The following RIMBP2 variants were observed in gnomAD, a reference collection of about 807,000 sequenced individuals.
RIMBP2 encodes the protein RIMS binding protein 2.
RIMBP2 carries 48 observed loss-of-function variants against 118.6 expected under a neutral mutation model. That is an observed-to-expected ratio of 0.40 (90% CI 0.32 to 0.51). The LOEUF (loss-of-function observed/expected upper bound fraction) is 0.51, where lower values mean the gene tolerates loss of function less well. Among genes scored for constraint, RIMBP2 ranks in the 20% least tolerant of loss-of-function variants. The pLI, the probability that RIMBP2 is intolerant of heterozygous loss-of-function variation, is 0.41. For synonymous variants in RIMBP2, 762 were observed against 742.9 expected (o/e 1.03, Z -0.42); for missense variants, 1,551 against 1,768.3 (o/e 0.88, Z 2.20).
chr12:130,450,893 C>A lies in RIMBP2; in HGVS notation c.504+302G>T, dbSNP rs971431387. Among the ~76,000 whole-genome samples the A allele has an allele frequency of 6.6e-6, 1 of 152,160 alleles. No individual in the cohort carries two copies. The highest frequency in any genetic ancestry group is 2.4e-5 in the African/African-American group (1 of 41,434). ...CACAGGCCCCTCCCGGCCAGCTCTG[C>A]GTCAACAGCCTTGCTGCGTCATCCT... On this transcript the variant is annotated intron_variant, in intron 8 of 22. Transcript: ENST00000690449. This position sits in a 1 kb window ranked among gnomAD's most constrained non-coding sequence, Gnocchi z 4.8.
Position 130,706,311 on chromosome 12 carries a change from C to T in RIMBP2, c.-352+9911G>A, listed in dbSNP as rs184138977. Among the ~76,000 whole-genome samples the T allele has an allele frequency of 1.8e-4, 28 of 152,320 alleles. No individual in the cohort carries two copies. The East Asian group carries it at 4.2e-3, about 23-fold the overall frequency. ...CCAGTGAATGCCTTCAATAACAATC[C>T]GTCGAGGAGAAGACGGATGCTATTG... On this transcript the variant is annotated intron_variant, in intron 1 of 22. Transcript: ENST00000690449.
intron 1 of RIMBP2, among the ~76,000 whole-genome samples, chr12:130,675,222 G>A (rs556040977): frequency 9.8e-5 from 15 of 152,330 alleles, no homozygotes; most frequent in South Asian, 8.3e-4. Context: ...TGAGACAGGC[G>A]GGTTTGTCCG....
At chr12:130,542,151 A>G (rs4759722) in intron 2 of RIMBP2, among the ~76,000 whole-genome samples, 113,586 of 152,012 alleles carry the variant, frequency 0.75, 42,506 homozygotes, top group East Asian at 0.81. Context: ...AGTAAGCACA[A>G]AGAGAGAGGG....
In RIMBP2 at chr12:130,536,822, G is replaced by A. The variant is rs576372709; in HGVS notation, c.-216-18905C>T. On this transcript the variant is annotated intron_variant, in intron 2 of 22. Coordinates refer to ENST00000690449, the MANE Select transcript of RIMBP2 (RefSeq NM_001393629.1). The stretch of plus-strand genomic sequence containing the variant: ...ACTTTGCAGATACCACCTTCACCAG[G>A]TGACCGTGGTTGACAGCACCAGCAG... Among the ~76,000 whole-genome samples, 262 of 152,266 alleles carry A rather than the reference G, an allele frequency of 1.7e-3. 1 individual carries two copies. The highest frequency in any genetic ancestry group is 3.3e-3 in the Non-Finnish European group (226 of 68,016).
At chr12:130,649,588 A>G (rs1035151097) in intron 1 of RIMBP2, among the ~76,000 whole-genome samples, 2 of 151,864 alleles carry the variant, frequency 1.3e-5, no homozygotes, top group Admixed American at 1.3e-4. Context: ...CGGCTAGCAG[A>G]CTCTTCCTTG....
At chr12:130,404,924 C>T (rs1032562) in intron 21 of RIMBP2, among the ~76,000 whole-genome samples, 12,787 of 151,950 alleles carry the variant, frequency 0.084, 847 homozygotes, top group East Asian at 0.19. Flanking sequence ...AATTTTAAAA[C>T]GTATTCATTT....
At position 130,449,916 on chromosome 12, in the gene RIMBP2, C is replaced by T. The variant is rs183881833; in HGVS notation, c.581+284G>A. 2.5e-3 allele frequency among the ~76,000 whole-genome samples: 387 copies of T among 152,180 alleles called. 1 individual carries two copies. Among genetic ancestry groups the T allele is most frequent in the Non-Finnish European group, 3.4e-3 (233 of 68,006 alleles). Reference sequence around the variant, plus strand: ...GAGCCCTCGGAGGGCGAGACCCTGCCGATACCCCCATCTCAAACTTCTGCC... The same window carrying T: ...GAGCCCTCGGAGGGCGAGACCCTGCTGATACCCCCATCTCAAACTTCTGCC... On this transcript the variant is annotated intron_variant, in intron 9 of 22. Transcript: ENST00000690449.
At chr12:130,414,337 G>C in intron 17 of RIMBP2, 31 bp from the exon 18 acceptor site, 1 of 1,545,390 alleles carries the variant, frequency 6.5e-7, no homozygotes, top group Non-Finnish European at 8.7e-7. Flanking sequence ...AGAACAGAGC[G>C]GCAGTGAGCC....
rs115807253 is a variant in RIMBP2, at chr12:130,411,507, A to G, written c.3589+1112T>C. Among the ~76,000 whole-genome samples the G allele has an allele frequency of 3.6e-3, 545 of 152,282 alleles. 2 individuals are homozygous for G. The highest frequency in any genetic ancestry group is 0.011 in the African/African-American group (461 of 41,560). ...GCAATGCGGCAGGGGGCACATAGATATATCAGGCTAGGTTCCCTTGGCCAT... is the reference window on the plus strand; with the variant it reads ...GCAATGCGGCAGGGGGCACATAGATGTATCAGGCTAGGTTCCCTTGGCCAT... On this transcript the variant is annotated intron_variant, in intron 19 of 22. Transcript: ENST00000690449.
chr12:130,399,898 G>GT, intron 21 of RIMBP2, 85 bp from the exon 22 acceptor site: 1 of 1,432,152 alleles, frequency 7.0e-7, no homozygotes, highest in Middle Eastern at 2.3e-4. Flanking sequence ...ACAGCTCAGA[G>GT]TACAGGTACA....
intron 1 of RIMBP2, among the ~76,000 whole-genome samples, chr12:130,637,242 A>C (rs2062393103): frequency 6.6e-6 from 1 of 152,112 alleles, no homozygotes; most frequent in African/African-American, 2.4e-5. Context: ...TCCCCATCCC[A>C]TCACCATTTA....
rs182454816 is a variant in RIMBP2, at chr12:130,458,223, T to C, written c.154-1523A>G. On this transcript the variant is annotated intron_variant, in intron 6 of 22. Transcript: ENST00000690449. ...AAATAAACCTAACAAATCCAAAGCC[T>C]ATAATTAATTTCTTTGATTCATTAA... 1.3e-3 allele frequency among the ~76,000 whole-genome samples: 205 copies of C among 152,280 alleles called. 1 individual carries two copies. Among genetic ancestry groups the C allele is most frequent in the Non-Finnish European group, 2.2e-3 (149 of 68,036 alleles).
chr12:130,715,947 G>C (rs927420084), intron 1 of RIMBP2, among the ~76,000 whole-genome samples: 2 of 152,104 alleles, frequency 1.3e-5, no homozygotes, highest in Admixed American at 1.3e-4. Flanking sequence ...GCTGACACCC[G>C]GCACCCAGGA....
chr12:130,672,353 A>G (rs2064239599), intron 1 of RIMBP2, among the ~76,000 whole-genome samples: 1 of 152,254 alleles, frequency 6.6e-6, no homozygotes, highest in South Asian at 2.1e-4. Flanking sequence ...ATCGTTTTCC[A>G]TCAGCAAGTT....
chr12:130,673,289 C>T (rs35054114), intron 1 of RIMBP2, among the ~76,000 whole-genome samples: 47,506 of 152,134 alleles, frequency 0.31, 7,453 homozygotes, highest in East Asian at 0.37. Context: ...TGGGACTGGC[C>T]GTCAGATTTC....
intron 2 of RIMBP2, among the ~76,000 whole-genome samples, chr12:130,597,279 T>C (rs1403953574): frequency 2.0e-5 from 3 of 152,264 alleles, no homozygotes; most frequent in Non-Finnish European, 4.4e-5. Flanking sequence ...AGTCTCGCTC[T>C]GTCTCCCAGG....
rs1287851544 is a variant in RIMBP2, at chr12:130,437,130, A to T, written c.1818T>A (p.Pro606=). The change falls in exon 13 of 23, where the codon CCT becomes CCA. Residue 606 remains proline, a synonymous_variant. Transcript: ENST00000690449. The stretch of plus-strand genomic sequence containing the variant: ...GGGGTGCAGGTCTCGGGTGGGGGGT[A>T]GGAGGCACCAGGAGCTCGGGGGGAA... The part of the protein sequence containing the change: ...AAVPPELLVP[P]TPHPRPAPQS... The T allele has an allele frequency of 1.9e-6, 3 of 1,580,056 alleles. No individual in the cohort carries two copies. Among genetic ancestry groups the T allele is most frequent in the Non-Finnish European group, 2.6e-6 (3 of 1,162,256 alleles).
rs757059250 is a variant in RIMBP2 at position 130,690,879 on chromosome 12, G to A, written c.-352+25343C>T. 7.9e-5 allele frequency among the ~76,000 whole-genome samples: 12 copies of A among 151,706 alleles called. No homozygotes were observed. In the South Asian group the frequency reaches 8.4e-4, roughly 11 times the overall value. On this transcript the variant is annotated intron_variant, in intron 1 of 22. Coordinates refer to ENST00000690449, the MANE Select transcript of RIMBP2 (RefSeq NM_001393629.1). ...GCCTGGTGAGGGACATCTTCCTCTC[G>A]CTCCCCAGTGAGATGCCCTGTAATT... is the stretch of plus-strand genomic sequence containing the variant.
intron 2 of RIMBP2, among the ~76,000 whole-genome samples, chr12:130,532,083 A>G (rs78605681): frequency 1.2e-3 from 141 of 114,664 alleles, no homozygotes; most frequent in East Asian, 6.9e-3. Context: ...TGAGATGCGT[A>G]TGTTTAGCCT....
Sources: allele counts gnomAD v4.1 joint callset (sites outside exome capture counted in the v4.1 genomes callset), GRCh38; gene constraint gnomAD v4.1.1; non-coding constraint Gnocchi (gnomAD v3.1); transcripts MANE v1.5; gene names NCBI Gene and HGNC (gene_info 2026-07-23, HGNC 2026-07-21).